Variants in ADGRL3 observed in about 807,000 individuals in gnomAD.
ADGRL3 encodes the protein calcium-independent alpha-latrotoxin receptor 3.
In ADGRL3, 62 loss-of-function variants were observed where a neutral mutation model predicts 153.5. That is an observed-to-expected ratio of 0.40 (90% CI 0.33 to 0.50). ADGRL3 has a LOEUF of 0.50. ADGRL3 is among the 20% of genes least tolerant of loss of function. The probability of loss-of-function intolerance (pLI) is 0.47; values close to 1 mark genes in which losing one functional copy is unlikely to be tolerated. For missense variants in ADGRL3, 1,641 were observed against 1,859.4 expected (o/e 0.88, Z 2.16); for synonymous variants, 710 against 672.5 (o/e 1.06, Z -0.86).
In ADGRL3 at chr4:61,554,451, C is replaced by T. The variant is rs796648894; in HGVS notation, c.260-32776C>T. ...CTTCAAATGATCCACCCGCCTCGGC[C>T]TCCCAAAGTGCTGGTATTATAGGTG... On this transcript the variant is annotated intron_variant, in intron 4 of 26. Coordinates refer to ENST00000683033, the MANE Select transcript of ADGRL3 (RefSeq NM_001387552.1). Among the ~76,000 whole-genome samples the T allele has an allele frequency of 2.5e-4, 38 of 152,200 alleles. 1 individual carries two copies. The highest frequency in any genetic ancestry group is 9.2e-4 in the African/African-American group (38 of 41,518).
intron 1 of ADGRL3, among the ~76,000 whole-genome samples, chr4:61,250,524 C>A: frequency 6.6e-6 from 1 of 152,080 alleles, no homozygotes; most frequent in East Asian, 1.9e-4. Flanking sequence ...ATAATCTATA[C>A]CATTGATTTT....
At chr4:61,445,065 A>AAT (rs1553931460) in intron 2 of ADGRL3, among the ~76,000 whole-genome samples, 1 of 150,808 alleles carries the variant, frequency 6.6e-6, no homozygotes, top group Non-Finnish European at 1.5e-5. Context: ...AAGAAAAAAA[A>AAT]ATGCTTATAC....
At chr4:61,314,232 T>C (rs1415133554) in intron 1 of ADGRL3, among the ~76,000 whole-genome samples, 1 of 151,768 alleles carries the variant, frequency 6.6e-6, no homozygotes, top group Non-Finnish European at 1.5e-5. Context: ...TTTCTGAGAT[T>C]GAGTTTCGCT....
chr4:61,679,770 T>C (rs138309862), intron 6 of ADGRL3, among the ~76,000 whole-genome samples: 23 of 152,198 alleles, frequency 1.5e-4, no homozygotes, highest in Admixed American at 1.5e-3. Flanking sequence ...GATTTGGGTC[T>C]GTTTCTAATA....
At chr4:61,365,298 T>A (rs2151575098) in intron 1 of ADGRL3, among the ~76,000 whole-genome samples, 1 of 152,288 alleles carries the variant, frequency 6.6e-6, no homozygotes, top group Non-Finnish European at 1.5e-5. Flanking sequence ...GTTTAACTGA[T>A]TGTTCTAAAA....
intron 8 of ADGRL3, among the ~76,000 whole-genome samples, chr4:61,752,553 C>T (rs1260654982): frequency 1.3e-5 from 2 of 152,146 alleles, no homozygotes; most frequent in East Asian, 3.9e-4. Flanking sequence ...TTGGAGAGTA[C>T]TTCTTACATG....
At chr4:61,233,254 G>A (rs902198286) in intron 1 of ADGRL3, among the ~76,000 whole-genome samples, 5 of 152,072 alleles carry the variant, frequency 3.3e-5, no homozygotes, top group Non-Finnish European at 7.4e-5. Context: ...ATCTACGTAG[G>A]CATTTGAATG....
intron 1 of ADGRL3, among the ~76,000 whole-genome samples, chr4:61,222,302 A>G (rs1432356578): frequency 6.6e-6 from 1 of 152,002 alleles, no homozygotes; most frequent in African/African-American, 2.4e-5. Context: ...TTTTGTTTTT[A>G]TTTTATTTTA....
intron 1 of ADGRL3, among the ~76,000 whole-genome samples, chr4:61,270,811 G>A (rs915615276): frequency 6.6e-6 from 1 of 151,578 alleles, no homozygotes; most frequent in African/African-American, 2.4e-5. Flanking sequence ...ATCAGTTTTT[G>A]CATTGTCTGT....
intron 1 of ADGRL3, among the ~76,000 whole-genome samples, chr4:61,236,918 G>A (rs969784725): frequency 1.3e-5 from 2 of 151,996 alleles, no homozygotes; most frequent in African/African-American, 4.8e-5. Context: ...GATAAACAAG[G>A]CTATGAATTT....
chr4:61,356,219 G>A (rs1273934747), intron 1 of ADGRL3, among the ~76,000 whole-genome samples: 1 of 151,798 alleles, frequency 6.6e-6, no homozygotes, highest in East Asian at 1.9e-4. Context: ...TATTCTCATT[G>A]GTGTCTAGGT....
chr4:62,034,644 G>T (rs1723978251), intron 23 of ADGRL3, among the ~76,000 whole-genome samples: 1 of 151,714 alleles, frequency 6.6e-6, no homozygotes, highest in South Asian at 2.1e-4. Flanking sequence ...CACTGGTATA[G>T]TTGCTTATAT....
chr4:61,356,952 A>G (rs956267524), intron 1 of ADGRL3, among the ~76,000 whole-genome samples: 2 of 152,054 alleles, frequency 1.3e-5, no homozygotes, highest in African/African-American at 4.8e-5. Context: ...CAACTTGCTG[A>G]TATAATTTAC....
rs565011040 is a variant in ADGRL3, at chr4:61,218,639, T to G, written c.-240+16874T>G. 1.3e-4 allele frequency among the ~76,000 whole-genome samples: 20 copies of G among 152,306 alleles called. No homozygotes were observed. In the East Asian group the frequency reaches 3.9e-3, roughly 29 times the overall value. On this transcript the variant is annotated intron_variant, in intron 1 of 26. Transcript: ENST00000683033. Reference sequence around the variant, plus strand: ...GTGTGCCCAGCTTGAGTGCTTCTCATGCGACACAGTTAAACACAATTGTGA... The same window carrying G: ...GTGTGCCCAGCTTGAGTGCTTCTCAGGCGACACAGTTAAACACAATTGTGA...
intron 1 of ADGRL3, among the ~76,000 whole-genome samples, chr4:61,324,377 T>C (rs2095424952): frequency 6.6e-6 from 1 of 152,148 alleles, no homozygotes; most frequent in South Asian, 2.1e-4. Context: ...CCAAAAAGAT[T>C]AATAAGCATG....
At chr4:61,550,302 C>A (rs2098734291) in intron 4 of ADGRL3, among the ~76,000 whole-genome samples, 1 of 151,826 alleles carries the variant, frequency 6.6e-6, no homozygotes, top group Non-Finnish European at 1.5e-5. Flanking sequence ...TTTGTGGTTT[C>A]TAGGTTTAAA....
chr4:61,363,736 AT>A, intron 1 of ADGRL3, among the ~76,000 whole-genome samples: 1 of 152,210 alleles, frequency 6.6e-6, no homozygotes, highest in Non-Finnish European at 1.5e-5. Flanking sequence ...TGTGCTAGAG[AT>A]AGTTCTGGAT....
chr4:61,878,884 C>T (rs1224985535), intron 9 of ADGRL3, among the ~76,000 whole-genome samples: 4 of 152,270 alleles, frequency 2.6e-5, no homozygotes, highest in African/African-American at 7.2e-5. Context: ...ATTCCATTAT[C>T]ACTCATTGAC....
At chr4:62,067,732 C>G (rs1743741899) in intron 25 of ADGRL3, among the ~76,000 whole-genome samples, 1 of 152,014 alleles carries the variant, frequency 6.6e-6, no homozygotes, top group African/African-American at 2.4e-5. Flanking sequence ...TTTATTTATA[C>G]TTTTACTGAA....
Sources: allele counts gnomAD v4.1 joint callset (sites outside exome capture counted in the v4.1 genomes callset), GRCh38; gene constraint gnomAD v4.1.1; transcripts MANE v1.5; gene names NCBI Gene and HGNC (gene_info 2026-07-23, HGNC 2026-07-21).